The following RIN3 variants were observed in gnomAD, a reference collection of about 807,000 sequenced individuals.
The protein encoded by RIN3 is Ras and Rab interactor 3.
RIN3 carries 54 observed loss-of-function variants against 76.3 expected under a neutral mutation model. The ratio of observed to expected loss-of-function variants is 0.71; its 90% CI spans 0.57 to 0.89. The LOEUF (loss-of-function observed/expected upper bound fraction) is 0.89, where lower values mean the gene tolerates loss of function less well. RIN3 is among the 40% of genes least tolerant of loss of function. RIN3 has a pLI of 0.00. For missense variants in RIN3, 1,256 were observed against 1,322.1 expected, an observed-to-expected ratio of 0.95 and a Z score of 0.78; for synonymous variants, 576 against 564.0, an observed-to-expected ratio of 1.02 and a Z score of -0.30.
At chr14:92,540,459 C>T (rs775227696) in intron 1 of RIN3, among the ~76,000 whole-genome samples, 1 of 152,206 alleles carries the variant, frequency 6.6e-6, no homozygotes, top group South Asian at 2.1e-4. Context: ...CTGCCAGGGC[C>T]TTGTACAGTT....
chr14:92,575,266 G>A (rs1898190396), intron 2 of RIN3, among the ~76,000 whole-genome samples: 1 of 152,270 alleles, frequency 6.6e-6, no homozygotes, highest in African/African-American at 2.4e-5. Context: ...TCAGGACAGA[G>A]GGCTCCTCAG....
At chr14:92,684,280 T>C (rs8003243) in intron 8 of RIN3, among the ~76,000 whole-genome samples, 20,106 of 150,358 alleles carry the variant, frequency 0.13, 1,541 homozygotes, top group East Asian at 0.24. Context: ...CTCAGGAGGC[T>C]GAGGTAGGAG....
chr14:92,663,251 G>A (rs1010979339), intron 7 of RIN3, among the ~76,000 whole-genome samples: 1 of 152,216 alleles, frequency 6.6e-6, no homozygotes, highest in Non-Finnish European at 1.5e-5. Context: ...GTCAAACACC[G>A]TGATTTTTGC....
chr14:92,658,730 G>A (rs1168137954), intron 6 of RIN3, among the ~76,000 whole-genome samples: 1 of 152,210 alleles, frequency 6.6e-6, no homozygotes, highest in Non-Finnish European at 1.5e-5. Context: ...AGTCAAGTGG[G>A]TGTGGGAATT....
chr14:92,525,517 G>T (rs142029908), intron 1 of RIN3, among the ~76,000 whole-genome samples: 5 of 152,120 alleles, frequency 3.3e-5, no homozygotes, highest in Non-Finnish European at 5.9e-5. Context: ...GCCAAAGAGG[G>T]GGGTGAAAGG....
intron 7 of RIN3, among the ~76,000 whole-genome samples, chr14:92,668,018 C>T (rs1888169194): frequency 6.6e-6 from 1 of 152,170 alleles, no homozygotes; most frequent in Non-Finnish European, 1.5e-5. Context: ...AAATCCCCTC[C>T]TGTCTTTCAT....
chr14:92,666,010 G>C (rs1888086020), intron 7 of RIN3, among the ~76,000 whole-genome samples: 1 of 150,468 alleles, frequency 6.6e-6, no homozygotes, highest in South Asian at 2.1e-4. Context: ...ACCCCACAGA[G>C]AGGCAGACTC....
In RIN3 at chr14:92,627,128, C is replaced by G. The variant is rs1886386251; in HGVS notation, c.440+11649C>G. Among the ~76,000 whole-genome samples, 3 of 152,166 alleles carry G rather than the reference C, an allele frequency of 2.0e-5. No individual in the cohort carries two copies. In the South Asian group the frequency reaches 6.2e-4, roughly 31 times the overall value. ...GGACTATCAGAGGGGATCTGACTAT[C>G]CCCGTCCTTACCTTTCCCTGTTGTA... is the stretch of plus-strand genomic sequence containing the variant. On this transcript the variant is annotated intron_variant, in intron 4 of 9. Coordinates refer to ENST00000216487, the MANE Select transcript of RIN3 (RefSeq NM_024832.5).
chr14:92,676,388 G>A, intron 7 of RIN3, 87 bp from the exon 8 acceptor site: 2 of 1,495,442 alleles, frequency 1.3e-6, no homozygotes, highest in Non-Finnish European at 1.8e-6. Flanking sequence ...TCCACACTCA[G>A]CAAACCACTG....
chr14:92,580,745 G>A (rs537966870), intron 3 of RIN3, among the ~76,000 whole-genome samples: 1 of 152,350 alleles, frequency 6.6e-6, no homozygotes, highest in East Asian at 1.9e-4. Flanking sequence ...GGCTGGAAGG[G>A]GGAAAGAGCA....
chr14:92,565,110 T>C lies in RIN3; in HGVS notation c.249+9155T>C, dbSNP rs1005403007. ...GTGTTCCCTCACTGCTCCACCTGGC[T>C]CATCTGCTCTGCCTGGCTTATCTTC... On this transcript the variant is annotated intron_variant, in intron 2 of 9. Transcript: ENST00000216487. 1.1e-4 allele frequency among the ~76,000 whole-genome samples: 17 copies of C among 152,324 alleles called. No individual in the cohort carries two copies. The South Asian group carries it at 3.3e-3, about 30-fold the overall frequency.
At chr14:92,605,677 C>T (rs1566864373) in intron 3 of RIN3, among the ~76,000 whole-genome samples, 1 of 152,244 alleles carries the variant, frequency 6.6e-6, no homozygotes, top group Non-Finnish European at 1.5e-5. Context: ...TTGTTGAATA[C>T]ATTAGCCTCA....
rs769566189 is a variant in RIN3 at position 92,687,612 on chromosome 14, G to GGAATGAAT, written c.2632-299_2632-292dup. On this transcript the variant is annotated intron_variant, in intron 9 of 9. Transcript: ENST00000216487. Reference sequence around the variant, plus strand: ...AACTCACCTGGAGGGAGGGAGGGAGGGAATGAATGAATGAATGAATGATGG... The same window carrying GGAATGAAT: ...AACTCACCTGGAGGGAGGGAGGGAGGGAATGAATGAATGAATGAATGAATGAATGATGG... 2.2e-3 allele frequency: 933 copies of GGAATGAAT among 414,956 alleles called. 7 individuals carry two copies. The highest frequency in any genetic ancestry group is 0.019 in the African/African-American group (878 of 46,570). The allele number at this position is 414,956 out of a possible 1,614,324, so 25.7% of individuals were successfully genotyped here.
chr14:92,649,220 G>A (rs770445833), intron 5 of RIN3, among the ~76,000 whole-genome samples: 2 of 152,182 alleles, frequency 1.3e-5, no homozygotes, highest in African/African-American at 4.8e-5. Context: ...CGGCACCAGT[G>A]GGCAGTTCTA....
intron 1 of RIN3, among the ~76,000 whole-genome samples, chr14:92,533,255 A>T (rs1319960114): frequency 1.3e-5 from 2 of 152,224 alleles, no homozygotes; most frequent in Non-Finnish European, 2.9e-5. Context: ...TACAAGTTAA[A>T]TTAATTAAAA....
intron 7 of RIN3, among the ~76,000 whole-genome samples, chr14:92,663,579 C>G (rs1176344761): frequency 6.6e-6 from 1 of 152,224 alleles, no homozygotes; most frequent in Non-Finnish European, 1.5e-5. Flanking sequence ...GTTTCCCTCC[C>G]ACCACTGGTT....
chr14:92,523,000 A>G (rs1896639639), intron 1 of RIN3, among the ~76,000 whole-genome samples: 1 of 152,264 alleles, frequency 6.6e-6, no homozygotes, highest in South Asian at 2.1e-4. Context: ...TATGCAGGAT[A>G]GAACAACAAT....
chr14:92,678,366 C>G (rs1232994035), intron 8 of RIN3, among the ~76,000 whole-genome samples: 1 of 151,966 alleles, frequency 6.6e-6, no homozygotes, highest in Non-Finnish European at 1.5e-5. Flanking sequence ...ACCCATCCCC[C>G]TACCCATCCA....
At chr14:92,564,935 A>G (rs1394023528) in intron 2 of RIN3, among the ~76,000 whole-genome samples, 3 of 152,208 alleles carry the variant, frequency 2.0e-5, no homozygotes, top group African/African-American at 7.2e-5. Context: ...TTAGTGGCTA[A>G]TCAGGGAAGG....
Sources: gnomAD v4.1 joint callset for allele counts (sites outside exome capture counted in the v4.1 genomes callset) on GRCh38, gnomAD v4.1.1 for gene constraint, MANE v1.5 for transcripts, NCBI Gene and HGNC (gene_info 2026-07-23, HGNC 2026-07-21) for gene names.